CMTM8: variants seen among roughly 807,000 people sequenced by gnomAD.
The protein encoded by CMTM8 is CKLF like MARVEL transmembrane domain containing 8, also known as CKLF-like MARVEL transmembrane domain-containing protein 8.
A neutral mutation model predicts 18.6 loss-of-function variants in CMTM8; 12 were observed. The observed-to-expected ratio is 0.65, with a 90% CI of 0.41 to 1.05. CMTM8 has a LOEUF of 1.05. Ranked by LOEUF, CMTM8 falls within the 50% of genes least tolerant of loss-of-function variation. The probability of loss-of-function intolerance (pLI) is 0.00; values close to 1 mark genes in which losing one functional copy is unlikely to be tolerated. For synonymous variants in CMTM8, 87 were observed against 90.6 expected (o/e 0.96, Z 0.23); for missense variants, 217 against 227.2 (o/e 0.95, Z 0.29).
intron 1 of CMTM8, among the ~76,000 whole-genome samples, chr3:32,302,332 G>A (rs1453479345): frequency 1.3e-5 from 2 of 152,088 alleles, no homozygotes; most frequent in Non-Finnish European, 2.9e-5. Context: ...TAACTACCTT[G>A]AAGTTAATTC....
At chr3:32,353,236 C>T (rs1439473057) in intron 1 of CMTM8, among the ~76,000 whole-genome samples, 2 of 152,164 alleles carry the variant, frequency 1.3e-5, no homozygotes, top group African/African-American at 4.8e-5. Flanking sequence ...TCAAGTGATC[C>T]GCCTGCCTCA....
intron 1 of CMTM8, among the ~76,000 whole-genome samples, chr3:32,310,246 G>A (rs569951248): frequency 2.6e-5 from 4 of 152,200 alleles, no homozygotes; most frequent in African/African-American, 9.6e-5. Flanking sequence ...TTGGGAGATG[G>A]CTCTCCAAAG....
intron 1 of CMTM8, among the ~76,000 whole-genome samples, chr3:32,267,253 A>G (rs1357304698): frequency 6.6e-6 from 1 of 152,192 alleles, no homozygotes; most frequent in East Asian, 1.9e-4. Context: ...CAAAACAGAG[A>G]TATAGACCAA....
At chr3:32,346,286 A>G (rs898342840) in intron 1 of CMTM8, among the ~76,000 whole-genome samples, 1 of 152,348 alleles carries the variant, frequency 6.6e-6, no homozygotes, top group South Asian at 2.1e-4. Context: ...CTCCTCAGAG[A>G]CAGCTACTCC....
At chr3:32,245,976 C>G (rs1321512065) in intron 1 of CMTM8, among the ~76,000 whole-genome samples, 2 of 152,108 alleles carry the variant, frequency 1.3e-5, no homozygotes, top group Non-Finnish European at 2.9e-5. Context: ...CACCACTGTG[C>G]CTGGCCAATT....
chr3:32,331,539 A>C (rs1696274445), intron 1 of CMTM8, among the ~76,000 whole-genome samples: 1 of 149,316 alleles, frequency 6.7e-6, no homozygotes, highest in East Asian at 1.9e-4. Context: ...AACAATGAAC[A>C]AATAAACCAT....
intron 1 of CMTM8, among the ~76,000 whole-genome samples, chr3:32,249,000 A>G (rs1312959566): frequency 3.3e-5 from 5 of 150,082 alleles, no homozygotes; most frequent in Non-Finnish European, 5.9e-5. Flanking sequence ...AGCATTTAGC[A>G]AAGAATGGAG....
At chr3:32,340,662 A>G (rs1208688508) in intron 1 of CMTM8, among the ~76,000 whole-genome samples, 1 of 152,264 alleles carries the variant, frequency 6.6e-6, no homozygotes, top group Non-Finnish European at 1.5e-5. Flanking sequence ...AGGAGGCCAC[A>G]TATTCTGTTG....
chr3:32,260,292 G>GA, intron 1 of CMTM8: 1 of 786,708 alleles, frequency 1.3e-6, no homozygotes, highest in Non-Finnish European at 2.1e-6. Context: ...AGAGGTCATT[G>GA]GAAAAAAAAA....
chr3:32,286,078 G>C (rs80019885), intron 1 of CMTM8, among the ~76,000 whole-genome samples: 1 of 152,102 alleles, frequency 6.6e-6, no homozygotes, highest in Non-Finnish European at 1.5e-5. Flanking sequence ...CTCAACTTCC[G>C]GAGGCGGCAG....
intron 1 of CMTM8, among the ~76,000 whole-genome samples, chr3:32,283,202 T>G (rs1222157317): frequency 6.6e-6 from 1 of 152,180 alleles, no homozygotes; most frequent in African/African-American, 2.4e-5. Flanking sequence ...ATGAAAAAAG[T>G]TGAGAATCCC....
At chr3:32,287,841 G>T (rs1575160869) in intron 1 of CMTM8, among the ~76,000 whole-genome samples, 1 of 152,090 alleles carries the variant, frequency 6.6e-6, no homozygotes, top group East Asian at 1.9e-4. Flanking sequence ...AAATTATCTG[G>T]AGGCTGCTGG....
chr3:32,286,052 C>G (rs1213453112), intron 1 of CMTM8, among the ~76,000 whole-genome samples: 3 of 152,144 alleles, frequency 2.0e-5, no homozygotes, highest in Non-Finnish European at 4.4e-5. Context: ...AGCTCAGGGC[C>G]TTCTGCAAGC....
chr3:32,347,297 G>GTTTTTTTTTTTTTTTT lies in CMTM8; in HGVS notation c.148-10064_148-10063insTTTTTTTTTTTTTTTT, dbSNP rs56826485. ...TTGGTTTTTGGTTTTTTTTGCTTAG[G>GTTTTTTTTTTTTTTTT]TTTTTTTTTTTTGGCGTTAGTTCTC... On this transcript the variant is annotated intron_variant, in intron 1 of 3. Transcript: ENST00000307526. Among the ~76,000 whole-genome samples the GTTTTTTTTTTTTTTTT allele has an allele frequency of 9.7e-4, 132 of 136,442 alleles. 2 individuals carry two copies. Among genetic ancestry groups the GTTTTTTTTTTTTTTTT allele is most frequent in the South Asian group, 2.7e-3 (11 of 4,072 alleles). 89.5% of individuals were successfully genotyped at this position (136,442 alleles called of 152,430 possible).
chr3:32,340,753 C>T (rs1200929182), intron 1 of CMTM8, among the ~76,000 whole-genome samples: 1 of 152,168 alleles, frequency 6.6e-6, no homozygotes, highest in Non-Finnish European at 1.5e-5. Context: ...GACAGTGAGC[C>T]GCATGTGGCC....
chr3:32,366,648 A>G (rs1208009850), intron 2 of CMTM8, among the ~76,000 whole-genome samples: 1 of 152,250 alleles, frequency 6.6e-6, no homozygotes, highest in Non-Finnish European at 1.5e-5. Context: ...GTGGCAAGAC[A>G]AGACTAAATG....
chr3:32,281,529 T>C (rs1440126809), intron 1 of CMTM8, among the ~76,000 whole-genome samples: 3 of 152,244 alleles, frequency 2.0e-5, no homozygotes, highest in Non-Finnish European at 2.9e-5. Context: ...GAATGCCATC[T>C]TGAAAACTGT....
chr3:32,293,935 G>A (rs1001509738), intron 1 of CMTM8, among the ~76,000 whole-genome samples: 2 of 152,200 alleles, frequency 1.3e-5, no homozygotes, highest in African/African-American at 2.4e-5. Context: ...TGTATTGGTT[G>A]TGCAGGTGTA....
chr3:32,362,160 C>T (rs1158062831), intron 2 of CMTM8, among the ~76,000 whole-genome samples: 1 of 150,428 alleles, frequency 6.6e-6, no homozygotes, highest in Non-Finnish European at 1.5e-5. Flanking sequence ...CCTGCTTCAG[C>T]CTCCTGAGTA....
Sources: gnomAD v4.1 joint callset for allele counts (sites outside exome capture counted in the v4.1 genomes callset) on GRCh38, gnomAD v4.1.1 for gene constraint, MANE v1.5 for transcripts, NCBI Gene and HGNC (gene_info 2026-07-23, HGNC 2026-07-21) for gene names.